The following ZDHHC23 variants were observed in gnomAD, a reference collection of about 807,000 sequenced individuals.
ZDHHC23 encodes zDHHC palmitoyltransferase 23.
Under a neutral mutation model 40.2 loss-of-function variants are expected in ZDHHC23, and 41 were observed. That is an observed-to-expected ratio of 1.02 (90% CI 0.79 to 1.32). ZDHHC23 has a LOEUF of 1.32. Ranked by LOEUF, ZDHHC23 falls within the 40% of genes most tolerant of loss-of-function variation. The pLI is 0.00. For missense variants in ZDHHC23, 471 were observed against 541.5 expected (o/e 0.87, Z 1.29); for synonymous variants, 204 against 210.2 (o/e 0.97, Z 0.26).
chr3:113,955,359 C>CGT (rs68123933), intron 3 of ZDHHC23, among the ~76,000 whole-genome samples: 3,501 of 147,456 alleles, frequency 0.024, 68 homozygotes, highest in African/African-American at 0.048. Flanking sequence ...TTCACTTATT[C>CGT]GTGTGTGTGT....
At chr3:113,976,263 TA>T in the ZDHHC23 span, among the ~76,000 whole-genome samples, 27 of 137,518 alleles carry the variant, frequency 2.0e-4, no homozygotes, top group Admixed American at 3.6e-4. Flanking sequence ...TGTCTCAGGG[TA>T]AAAAAAAAAA....
At position 113,953,937 on chromosome 3, in the gene ZDHHC23, A is replaced by G; in HGVS notation, c.399A>G (p.Arg133=). 6.2e-7 allele frequency: 1 copy of G among 1,614,132 alleles called. No individual in the cohort carries two copies. The highest frequency in any genetic ancestry group is 8.5e-7 in the Non-Finnish European group (1 of 1,180,012). The part of the protein sequence containing the change: ...LALWYYYLTH[R]RKEQTLFFLS... ...TGTGGTACTACTACCTCACTCACAG[A>G]AGGAAAGAACAGACCCTGTTTTTCC... The change falls in exon 3 of 5, where the codon AGA becomes AGG. Residue 133 remains arginine (R), a synonymous_variant. Transcript: ENST00000638807.
rs777970818 is a variant in ZDHHC23 at position 113,954,062 on chromosome 3, C to G, written c.524C>G (p.Thr175Ser). 11 of 1,614,004 alleles carry G rather than the reference C, an allele frequency of 6.8e-6. No homozygotes were observed. Among genetic ancestry groups the G allele is most frequent in the African/African-American group, 1.3e-5 (1 of 74,886 alleles). ...GGTCCCGTTCAGCTGGCGGTTCTTA[C>G]CTGCGGGTTATTTCTGATACTCTTA... ...RVGPVQLAVL[T>S]CGLFLILLAL... The change falls in exon 3 of 5, where the codon ACC becomes AGC. Residue 175 changes from threonine to serine, a missense_variant. By Grantham distance (58) the Thr-to-Ser change is moderately conservative. Transcript: ENST00000638807.
the ZDHHC23 span, among the ~76,000 whole-genome samples, chr3:113,974,936 T>C: frequency 6.6e-6 from 1 of 152,176 alleles, no homozygotes; most frequent in Non-Finnish European, 1.5e-5. Flanking sequence ...TGTTATTAGG[T>C]ATTTTTTTAT....
At chr3:113,968,959 T>G (rs1940514300), downstream of ZDHHC23, among the ~76,000 whole-genome samples, 1 of 152,200 alleles carries the variant, frequency 6.6e-6, no homozygotes, top group Non-Finnish European at 1.5e-5. Context: ...CACTAGCATC[T>G]GTTTCTAATG....
downstream of ZDHHC23, among the ~76,000 whole-genome samples, chr3:113,966,599 C>T (rs1391857981): frequency 3.3e-5 from 5 of 152,074 alleles, no homozygotes; most frequent in South Asian, 2.1e-4. Context: ...AATAGCATGC[C>T]GTGGTGTGTG....
chr3:113,952,241 G>A (rs1382906118), intron 2 of ZDHHC23, among the ~76,000 whole-genome samples: 3 of 152,200 alleles, frequency 2.0e-5, no homozygotes, highest in Non-Finnish European at 4.4e-5. Context: ...CAAATATTCA[G>A]TTTAATCACT....
rs369326370 is a variant in ZDHHC23 at position 113,954,116 on chromosome 3, G to C, written c.578G>C (p.Gly193Ala). ...LALHRAKKNP[G>A]YLSNPASGDR... ...TTGCACAGAGCCAAGAAGAATCCAG[G>C]CTACCTCAGCAATCCAGCAAGCGGT... The change falls in exon 3 of 5, where the codon GGC (glycine) becomes GCC (alanine). Residue 193 changes from glycine to alanine, a missense_variant. Transcript: ENST00000638807. 8.7e-6 allele frequency: 14 copies of C among 1,614,080 alleles called. No individual in the cohort carries two copies. Among genetic ancestry groups the C allele is most frequent in the Non-Finnish European group, 1.1e-5 (13 of 1,180,054 alleles).
At chr3:113,963,377 T>G (rs1939827521), downstream of ZDHHC23, 2 of 151,612 alleles carry the variant, frequency 1.3e-5, no homozygotes, top group African/African-American at 4.9e-5. Context: ...AACTTAAGCT[T>G]TGTGGGATTT....
the ZDHHC23 span, chr3:113,978,858 C>G: frequency 1.2e-6 from 2 of 1,613,722 alleles, no homozygotes; most frequent in Non-Finnish European, 1.7e-6. Context: ...ATGTCCTTAC[C>G]TGTAGCCAGC....
At chr3:113,964,691 G>A (rs1274544847), downstream of ZDHHC23, 1 of 152,312 alleles carries the variant, frequency 6.6e-6, no homozygotes, top group Non-Finnish European at 1.5e-5. Flanking sequence ...GAAAGTGGAC[G>A]AGGTCTGGTG....
chr3:113,978,566 T>C, the ZDHHC23 span: 1 of 592,902 alleles, frequency 1.7e-6, no homozygotes, highest in East Asian at 2.8e-5. Flanking sequence ...AGTTTCTAAA[T>C]CACTTGAGCA....
intron 1 of ZDHHC23, 107 bp from the exon 2 acceptor site, chr3:113,948,579 C>A: frequency 2.0e-6 from 1 of 504,700 alleles, no homozygotes; most frequent in Non-Finnish European, 3.5e-6. Flanking sequence ...GAAGGCAGCT[C>A]AGACCTCCAA....
chr3:113,978,241 C>T, the ZDHHC23 span: 8 of 1,614,062 alleles, frequency 5.0e-6, no homozygotes, highest in Non-Finnish European at 6.8e-6. Flanking sequence ...ATCTTCACCT[C>T]CCTGACCATG....
downstream of ZDHHC23, among the ~76,000 whole-genome samples, chr3:113,970,292 C>T (rs903326044): frequency 5.3e-5 from 8 of 152,094 alleles, no homozygotes; most frequent in Admixed American, 3.9e-4. Context: ...GCATGTCATC[C>T]GTAAACAAGG....
Position 113,960,056 on chromosome 3 carries a change from C to T in ZDHHC23, c.*1426C>T, listed in dbSNP as rs1939579005. 4.0e-6 allele frequency: 4 copies of T among 989,092 alleles called. No individual in the cohort carries two copies. The highest frequency in any genetic ancestry group is 4.8e-6 in the Non-Finnish European group (4 of 832,020). 61.3% of individuals were successfully genotyped at this position (989,092 alleles called of 1,614,324 possible). On this transcript the variant is annotated 3_prime_UTR_variant, in exon 5 of 5. Transcript: ENST00000638807. ...GTGCAATCCCAAAGATAATTCATGA[C>T]TCCTTAAATTTGCCTTGGCTTATAG...
rs1221724356 is a variant in ZDHHC23, at chr3:113,958,061, G to A, written c.1041-302G>A. ...AATTACTTGTTTATTTAACAAACAG[G>A]TGTTGAACGCTGTTATGTCAGGCAG... On this transcript the variant is annotated intron_variant, in intron 4 of 4. Transcript: ENST00000638807. 2.0e-5 allele frequency among the ~76,000 whole-genome samples: 3 copies of A among 152,180 alleles called. No homozygotes were observed. In the South Asian group the frequency reaches 6.2e-4, roughly 32 times the overall value.
chr3:113,976,063 C>T, the ZDHHC23 span, among the ~76,000 whole-genome samples: 1 of 151,876 alleles, frequency 6.6e-6, no homozygotes, highest in Non-Finnish European at 1.5e-5. Context: ...TTGAGATCAG[C>T]CTGGGCAGCA....
the ZDHHC23 span, chr3:113,978,953 G>A: frequency 6.2e-7 from 1 of 1,613,982 alleles, no homozygotes. Flanking sequence ...TGACTACGCT[G>A]GAACCACGTC....
Sources: allele counts gnomAD v4.1 joint callset (sites outside exome capture counted in the v4.1 genomes callset), GRCh38; gene constraint gnomAD v4.1.1; transcripts MANE v1.5; gene names NCBI Gene and HGNC (gene_info 2026-07-23, HGNC 2026-07-21).